Variants in PHACTR2 observed in about 807,000 individuals in gnomAD.
The protein encoded by PHACTR2 is phosphatase and actin regulator 2, also known as chromosome 6 open reading frame 56.
PHACTR2 carries 30 observed loss-of-function variants against 76.0 expected under a neutral mutation model. The ratio of observed to expected loss-of-function variants is 0.39; its 90% CI spans 0.30 to 0.54. The LOEUF (loss-of-function observed/expected upper bound fraction) is 0.54, where lower values mean the gene tolerates loss of function less well. PHACTR2 is among the 20% of genes least tolerant of loss of function. The pLI is 0.61. For synonymous variants in PHACTR2, 292 were observed against 292.5 expected, an observed-to-expected ratio of 1.00 and a Z score of 0.02; for missense variants, 696 against 781.1, an observed-to-expected ratio of 0.89 and a Z score of 1.30.
chr6:143,745,207 G>C lies in PHACTR2; in HGVS notation c.215-3778G>C, dbSNP rs6923214. ...GCAGCTGGTGGGATACTTGGGATCA[G>C]ATTCGAGCAGGCTGCAATAACAGCA... On this transcript the variant is annotated intron_variant, in intron 2 of 12. Transcript: ENST00000440869. Among the ~76,000 whole-genome samples, 757 of 152,304 alleles carry C rather than the reference G, an allele frequency of 5.0e-3. 6 individuals are homozygous for C. Among genetic ancestry groups the C allele is most frequent in the African/African-American group, 0.017 (716 of 41,556 alleles).
rs144077213 is a variant in PHACTR2, at chr6:143,783,005, A to ATGTGTGTG, written c.1646-190_1646-183dup. On this transcript the variant is annotated intron_variant, in intron 9 of 12. Transcript: ENST00000440869. The surrounding 1 kb of genome is among the most constrained non-coding windows in gnomAD (Gnocchi z 5.2). ...AGCAAACCAGTCCTACAAAAAAAGC[A>ATGTGTGTG]TGTGTGTGTGTGTGTGTGTGTGTGT... Among the ~76,000 whole-genome samples the ATGTGTGTG allele has an allele frequency of 0.042, 6,130 of 146,152 alleles. 221 individuals are homozygous for ATGTGTGTG. Among genetic ancestry groups the ATGTGTGTG allele is most frequent in the African/African-American group, 0.085 (3,351 of 39,576 alleles).
Position 143,827,181 on chromosome 6 carries a change from T to TATATAA in PHACTR2, c.*3497_*3498insAATATA, listed in dbSNP as rs1776559611. 1 of 131,104 alleles carries TATATAA rather than the reference T, an allele frequency of 7.6e-6. No homozygotes were observed. Among genetic ancestry groups the TATATAA allele is most frequent in the Admixed American group, 7.5e-5 (1 of 13,312 alleles). The allele number at this position is 131,104 out of a possible 1,614,324, so 8.1% of individuals were successfully genotyped here. On this transcript the variant is annotated 3_prime_UTR_variant, in exon 13 of 13. Transcript: ENST00000440869. ...ATATATATATATATATATATATATA[T>TATATAA]ATATATATATATATATATGTATATT...
At chr6:143,756,908 G>A (rs1373073312) in intron 4 of PHACTR2, among the ~76,000 whole-genome samples, 1 of 152,042 alleles carries the variant, frequency 6.6e-6, no homozygotes, top group Non-Finnish European at 1.5e-5. Flanking sequence ...ATAGCTGGGT[G>A]TGGTGGTGGG....
chr6:143,712,220 T>C, intron 2 of PHACTR2, 37 bp downstream of exon 2: 1 of 1,314,242 alleles, frequency 7.6e-7, no homozygotes. Context: ...ATGGGATAAA[T>C]TGTAAAACGT....
chr6:143,771,192 GTGTATATA>G (rs1319892724), intron 6 of PHACTR2, among the ~76,000 whole-genome samples: 14 of 16,620 alleles, frequency 8.4e-4, no homozygotes, highest in East Asian at 5.3e-3. Flanking sequence ...ATATATATGT[GTGTATATA>G]TATATATATA....
In PHACTR2 at chr6:143,637,306, T is replaced by G. The variant is rs1776474498; in HGVS notation, c.13+28984T>G. Among the ~76,000 whole-genome samples, 14 of 151,888 alleles carry G rather than the reference T, an allele frequency of 9.2e-5. No individual in the cohort carries two copies. The South Asian group carries it at 2.7e-3, about 29-fold the overall frequency. On this transcript the variant is annotated intron_variant, in intron 1 of 11. Transcript: ENST00000305766. ...TTTTGTTTTTCTAAGTTAACCATTC[T>G]TTTGTTGTTTGAAAAAAAAAAGAAA...
rs1778703143 is a variant in PHACTR2 at position 143,731,593 on chromosome 6, AC to A, written c.215-17391del. ...TGAGCTACGGCGCCCAGCCAGCCCC[AC>A]TGTGTTGTGGTGTAGTATTCTTTTT... On this transcript the variant is annotated intron_variant, in intron 2 of 12. Transcript: ENST00000440869. This position sits in a 1 kb window ranked among gnomAD's most constrained non-coding sequence, Gnocchi z 4.9. Among the ~76,000 whole-genome samples the A allele has an allele frequency of 6.6e-6, 1 of 152,108 alleles. No individual in the cohort carries two copies. The highest frequency in any genetic ancestry group is 1.5e-5 in the Non-Finnish European group (1 of 68,020).
At position 143,678,173 on chromosome 6, in the gene PHACTR2, A is replaced by ACCTCGGTGT; in HGVS notation, c.13_21dup (p.Ser5_Ser7dup). The ACCTCGGTGT allele has an allele frequency of 6.5e-7, 1 of 1,541,724 alleles. No individual in the cohort carries two copies. Reference sequence around the variant, plus strand: ...CCCTGCGACCCCAGTCATGGGCCAGACCTCGGTGTCCACGCTGTCCCCGCA... The same window carrying ACCTCGGTGT: ...CCCTGCGACCCCAGTCATGGGCCAGACCTCGGTGTCCTCGGTGTCCACGCTGTCCCCGCA... On this transcript the variant is annotated inframe_insertion, in exon 1 of 13. Transcript: ENST00000440869. This position sits in a 1 kb window ranked among gnomAD's most constrained non-coding sequence, Gnocchi z 6.2.
chr6:143,747,773 G>A (rs142145237), intron 2 of PHACTR2, among the ~76,000 whole-genome samples: 7 of 152,306 alleles, frequency 4.6e-5, no homozygotes, highest in Non-Finnish European at 1.0e-4. Flanking sequence ...ATAGAGTTCT[G>A]CAGAACACGC....
rs973218752 is a variant in PHACTR2 at position 143,591,146 on chromosome 6, C to T, written c.217+53939C>T. On this transcript the variant is annotated intron_variant, in intron 1 of 11. Coordinates refer to the PHACTR2 transcript ENST00000367584. The surrounding 1 kb of genome is among the most constrained non-coding windows in gnomAD (Gnocchi z 6.4). ...TGCCTTGTGATGCTTCCTTTTGCCC[C>T]ATCAGCCAAGACATTCCACGTTCAT... 6.6e-6 allele frequency among the ~76,000 whole-genome samples: 1 copy of T among 152,124 alleles called. No individual in the cohort carries two copies. The highest frequency in any genetic ancestry group is 2.4e-5 in the African/African-American group (1 of 41,420).
Position 143,627,175 on chromosome 6 carries a change from G to A in PHACTR2, c.13+18853G>A, listed in dbSNP as rs1221482063. Among the ~76,000 whole-genome samples, 1 of 152,192 alleles carries A rather than the reference G, an allele frequency of 6.6e-6. No homozygotes were observed. The highest frequency in any genetic ancestry group is 1.5e-5 in the Non-Finnish European group (1 of 68,034). On this transcript the variant is annotated intron_variant, in intron 1 of 11. Transcript: ENST00000305766. The surrounding 1 kb of genome is among the most constrained non-coding windows in gnomAD (Gnocchi z 4.3). ...AGGGAAGTGCCACTTGGTGATGTAGGGGAGGCTCCAAGGGTGATGATATTT... is the reference window on the plus strand; with the variant it reads ...AGGGAAGTGCCACTTGGTGATGTAGAGGAGGCTCCAAGGGTGATGATATTT...
intron 1 of PHACTR2, among the ~76,000 whole-genome samples, chr6:143,594,152 A>C (rs78787290): frequency 1.7e-3 from 253 of 152,364 alleles, no homozygotes; most frequent in African/African-American, 5.9e-3. Flanking sequence ...AAACTATTAA[A>C]AGATGTTGAA....
intron 1 of PHACTR2, among the ~76,000 whole-genome samples, chr6:143,612,674 C>T (rs905689090): frequency 3.2e-4 from 49 of 151,800 alleles, no homozygotes; most frequent in African/African-American, 1.1e-3. Flanking sequence ...AATATATGTA[C>T]GTATGTGTGG....
In PHACTR2 at chr6:143,820,298, A is replaced by G. The variant is rs150926300; in HGVS notation, c.1923-3376A>G. On this transcript the variant is annotated intron_variant, in intron 12 of 12. Transcript: ENST00000440869. This position sits in a 1 kb window ranked among gnomAD's most constrained non-coding sequence, Gnocchi z 4.2. The stretch of plus-strand genomic sequence containing the variant: ...CAAAAGTCCCCCAAAGTCTTAATTC[A>G]TTCCAGCATTAACTCAAAAGTTCAA... Among the ~76,000 whole-genome samples the G allele has an allele frequency of 5.2e-3, 786 of 152,326 alleles. 7 individuals are homozygous for G. Among genetic ancestry groups the G allele is most frequent in the African/African-American group, 0.018 (747 of 41,574 alleles).
intron 1 of PHACTR2, among the ~76,000 whole-genome samples, chr6:143,668,451 A>G (rs1407228406): frequency 4.6e-5 from 7 of 152,266 alleles, no homozygotes; most frequent in African/African-American, 1.7e-4. Flanking sequence ...AAGGAATGGT[A>G]CCAGCTCCTC....
chr6:143,612,108 C>T (rs923525003), intron 1 of PHACTR2, among the ~76,000 whole-genome samples: 13 of 152,256 alleles, frequency 8.5e-5, no homozygotes, highest in South Asian at 6.2e-4. Flanking sequence ...ACTATTTAAT[C>T]CACTTAAAGG....
intron 2 of PHACTR2, among the ~76,000 whole-genome samples, chr6:143,714,407 A>G (rs973163565): frequency 1.3e-5 from 2 of 152,226 alleles, no homozygotes; most frequent in African/African-American, 4.8e-5. Flanking sequence ...GGTAGTAGAT[A>G]GGATGTAACA....
At position 143,726,295 on chromosome 6, in the gene PHACTR2, G is replaced by C. The variant is rs114408810; in HGVS notation, c.214+14112G>C. On this transcript the variant is annotated intron_variant, in intron 2 of 12. Transcript: ENST00000440869. The stretch of plus-strand genomic sequence containing the variant: ...TTTTGTTGTTAAGGTAAAAACATTT[G>C]TCATAAAATTCACTATCTTAACCAT... 7.3e-3 allele frequency among the ~76,000 whole-genome samples: 1,119 copies of C among 152,264 alleles called. 15 individuals carry two copies. The highest frequency in any genetic ancestry group is 0.025 in the African/African-American group (1,054 of 41,548).
At chr6:143,670,458 C>T (rs771546987) in intron 1 of PHACTR2, among the ~76,000 whole-genome samples, 3 of 152,174 alleles carry the variant, frequency 2.0e-5, no homozygotes, top group Non-Finnish European at 4.4e-5. Context: ...GTTTCACTCT[C>T]CCCGTCACTT....
Sources: gnomAD v4.1 joint callset for allele counts (sites outside exome capture counted in the v4.1 genomes callset) on GRCh38, gnomAD v4.1.1 for gene constraint, Gnocchi (gnomAD v3.1) non-coding constraint, MANE v1.5 for transcripts, NCBI Gene and HGNC (gene_info 2026-07-23, HGNC 2026-07-21) for gene names.